The following DOP1B variants were observed in gnomAD, a reference collection of about 807,000 sequenced individuals.
DOP1B encodes DOP1 leucine zipper like protein B.
A neutral mutation model predicts 233.5 loss-of-function variants in DOP1B; 174 were observed. The observed-to-expected ratio is 0.75, with a 90% CI of 0.66 to 0.85. The LOEUF is 0.85. Among genes scored for constraint, DOP1B ranks in the 40% least tolerant of loss-of-function variants. DOP1B has a pLI of 0.00. For synonymous variants in DOP1B, 1,190 were observed against 1,185.6 expected (o/e 1.00, Z -0.08); for missense variants, 2,652 against 2,846.6 (o/e 0.93, Z 1.56).
At chr21:36,252,350 T>A (rs925986502) in intron 22 of DOP1B, among the ~76,000 whole-genome samples, 5 of 151,198 alleles carry the variant, frequency 3.3e-5, no homozygotes, top group African/African-American at 1.2e-4. Flanking sequence ...CCTAGTTACT[T>A]GGGAGGCTGA....
In DOP1B at chr21:36,248,571, A is replaced by G. The variant is rs1569050129; in HGVS notation, c.4998+3A>G. On this transcript the variant is annotated splice_donor_region_variant and intron_variant, in intron 21 of 36. Transcript: ENST00000691173. ...CCGTTTACTTTAAAACCACCAAAGT[A>G]AGAGGATGTCTCTGTAGTTCTGTCA... is the stretch of plus-strand genomic sequence containing the variant. 6.2e-7 allele frequency: 1 copy of G among 1,603,444 alleles called. No individual in the cohort carries two copies. The highest frequency in any genetic ancestry group is 1.1e-5 in the South Asian group (1 of 89,406).
intron 9 of DOP1B, among the ~76,000 whole-genome samples, chr21:36,217,514 C>T (rs1222704341): frequency 1.3e-5 from 2 of 152,178 alleles, no homozygotes; most frequent in Non-Finnish European, 2.9e-5. Flanking sequence ...CAGCACCCCC[C>T]GATGCTTGCC....
At chr21:36,243,029 G>C (rs1381983021) in intron 18 of DOP1B, among the ~76,000 whole-genome samples, 1 of 149,882 alleles carries the variant, frequency 6.7e-6, no homozygotes, top group Admixed American at 6.7e-5. Context: ...GCCCAGGCTG[G>C]AGTGCAGTGG....
intron 24 of DOP1B, among the ~76,000 whole-genome samples, chr21:36,262,623 C>A (rs931377868): frequency 6.6e-6 from 1 of 152,122 alleles, no homozygotes; most frequent in Non-Finnish European, 1.5e-5. Context: ...CACGGTGGCT[C>A]ACGCTTGTAA....
chr21:36,246,039 C>T lies in DOP1B; in HGVS notation c.4059C>T (p.Ile1353=), dbSNP rs1182384975. Residue 1353 remains isoleucine, a synonymous_variant, in exon 19 of 37, where the codon ATC becomes ATT. Coordinates refer to ENST00000691173, the MANE Select transcript of DOP1B (RefSeq NM_001320714.2). The surrounding 1 kb of genome is among the most constrained non-coding windows in gnomAD (Gnocchi z 5.1). Reference sequence around the variant, plus strand: ...AGGTCAAAAGTGTCGAGGTTTTGATCAGGATAATGATGCAGCTGGTCTCAG... The same window carrying T: ...AGGTCAAAAGTGTCGAGGTTTTGATTAGGATAATGATGCAGCTGGTCTCAG... ...DVQVKSVEVL[I]RIMMQLVSVA... is the part of the protein sequence containing the mutation. The T allele has an allele frequency of 1.2e-6, 2 of 1,613,954 alleles. No individual in the cohort carries two copies. The highest frequency in any genetic ancestry group is 8.5e-7 in the Non-Finnish European group (1 of 1,179,996).
chr21:36,169,970 C>G, intron 2 of DOP1B: 1 of 765,414 alleles, frequency 1.3e-6, no homozygotes, highest in Non-Finnish European at 2.4e-6. Context: ...TCTACCACCT[C>G]CTTCACTTTC....
chr21:36,240,808 C>T (rs1161333951), intron 18 of DOP1B, among the ~76,000 whole-genome samples: 1 of 152,162 alleles, frequency 6.6e-6, no homozygotes, highest in Non-Finnish European at 1.5e-5. Context: ...AATGACTTCA[C>T]AATTTTCTAA....
At chr21:36,216,241 G>A (rs111784851) in intron 9 of DOP1B, among the ~76,000 whole-genome samples, 1,597 of 52,508 alleles carry the variant, frequency 0.03, 30 homozygotes, top group South Asian at 0.061. Context: ...AACCAGGGAG[G>A]TGGAGGTTGC....
Position 36,230,758 on chromosome 21 carries a change from G to A in DOP1B, c.1974G>A (p.Glu658=), listed in dbSNP as rs2066753174. 1 of 1,614,206 alleles carries A rather than the reference G, an allele frequency of 6.2e-7. No homozygotes were observed. The highest frequency in any genetic ancestry group is 8.5e-7 in the Non-Finnish European group (1 of 1,180,048). Residue 658 remains glutamate (E), a synonymous_variant, in exon 14 of 37, where the codon GAG becomes GAA. Transcript: ENST00000691173. ...CAGGAGAAGAAAGCAAGTCCGAGGA[G>A]CCTGCAGGGAAGAGGGACAGGGATG... is the stretch of plus-strand genomic sequence containing the variant. The part of the protein sequence containing the change: ...TASGEESKSE[E]PAGKRDRDGT...
chr21:36,274,166 A>G (rs1021036042), intron 27 of DOP1B, among the ~76,000 whole-genome samples: 2 of 124,498 alleles, frequency 1.6e-5, no homozygotes, highest in South Asian at 2.4e-4. Context: ...ATGTTAGTCA[A>G]ACTTTAAAAA....
At chr21:36,273,192 A>G (rs1402637114) in intron 27 of DOP1B, among the ~76,000 whole-genome samples, 1 of 151,910 alleles carries the variant, frequency 6.6e-6, no homozygotes, top group African/African-American at 2.4e-5. Context: ...AGATCACCTG[A>G]GGTCAGGAGT....
chr21:36,229,880 C>G (rs536287360), intron 13 of DOP1B, among the ~76,000 whole-genome samples: 2 of 151,930 alleles, frequency 1.3e-5, no homozygotes, highest in African/African-American at 4.8e-5. Flanking sequence ...CCATGCTGGT[C>G]TTGAGCTCCT....
At chr21:36,174,535 T>C (rs1041472382) in intron 2 of DOP1B, among the ~76,000 whole-genome samples, 1 of 152,108 alleles carries the variant, frequency 6.6e-6, no homozygotes. Flanking sequence ...ACAGAATCCT[T>C]CTTCTTTTTT....
intron 26 of DOP1B, 105 bp from the exon 27 acceptor site, chr21:36,269,908 A>T: frequency 8.3e-7 from 1 of 1,202,662 alleles, no homozygotes; most frequent in Non-Finnish European, 1.2e-6. Flanking sequence ...GTATATGCTC[A>T]CAGCTGTGGC....
intron 32 of DOP1B, among the ~76,000 whole-genome samples, chr21:36,281,884 G>A (rs550793298): frequency 2.0e-5 from 3 of 152,174 alleles, no homozygotes; most frequent in Middle Eastern, 3.4e-3. Context: ...CCCACTTCCC[G>A]ATAACATTAC....
intron 15 of DOP1B, among the ~76,000 whole-genome samples, chr21:36,233,952 C>A (rs560868196): frequency 2.0e-5 from 3 of 152,158 alleles, no homozygotes; most frequent in Non-Finnish European, 4.4e-5. Context: ...CTCCCATGTT[C>A]AAGCAATTCT....
chr21:36,263,113 A>C (rs925643480), intron 24 of DOP1B, among the ~76,000 whole-genome samples: 2 of 151,662 alleles, frequency 1.3e-5, no homozygotes, highest in African/African-American at 4.8e-5. Context: ...ACATGCCTGT[A>C]ATCCCAGCTA....
At chr21:36,178,696 G>A (rs901430618) in intron 2 of DOP1B, among the ~76,000 whole-genome samples, 2 of 152,290 alleles carry the variant, frequency 1.3e-5, no homozygotes, top group Admixed American at 1.3e-4. Context: ...CAGAAAAAAA[G>A]CAACTGTTTG....
intron 24 of DOP1B, 148 bp downstream of exon 24, chr21:36,260,880 G>A: frequency 6.8e-7 from 1 of 1,479,556 alleles, no homozygotes; most frequent in African/African-American, 1.4e-5. Context: ...TTCTTCCCAA[G>A]GTATTGATCT....
Sources: allele counts gnomAD v4.1 joint callset (sites outside exome capture counted in the v4.1 genomes callset), GRCh38; gene constraint gnomAD v4.1.1; non-coding constraint Gnocchi (gnomAD v3.1); transcripts MANE v1.5; gene names NCBI Gene and HGNC (gene_info 2026-07-23, HGNC 2026-07-21).